Variants in SIPA1L3 observed in about 807,000 individuals in gnomAD.
The protein encoded by SIPA1L3 is signal induced proliferation associated 1 like 3.
Under a neutral mutation model 150.1 loss-of-function variants are expected in SIPA1L3, and 59 were observed. The observed-to-expected ratio is 0.39, with a 90% confidence interval of 0.32 to 0.49. SIPA1L3 has a LOEUF of 0.49. Among genes scored for constraint, SIPA1L3 ranks in the 20% least tolerant of loss-of-function variants. SIPA1L3 has a pLI of 0.86. For synonymous variants in SIPA1L3, 1,070 were observed against 1,077.6 expected (o/e 0.99, Z 0.14); for missense variants, 2,211 against 2,489.5 (o/e 0.89, Z 2.38).
chr19:38,190,643 T>C (rs886848730), intron 16 of SIPA1L3, among the ~76,000 whole-genome samples: 6 of 152,354 alleles, frequency 3.9e-5, no homozygotes, highest in African/African-American at 1.4e-4. Flanking sequence ...CTTTCTTGCA[T>C]TACAGAATGA....
intron 4 of SIPA1L3, among the ~76,000 whole-genome samples, chr19:38,097,255 C>G (rs1203633366): frequency 2.0e-5 from 3 of 152,156 alleles, no homozygotes; most frequent in Non-Finnish European, 4.4e-5. Context: ...GAGGCTGAGG[C>G]AGGGGATCTC....
chr19:37,953,037 A>G (rs1039243761), intron 1 of SIPA1L3, among the ~76,000 whole-genome samples: 4 of 152,158 alleles, frequency 2.6e-5, no homozygotes, highest in Non-Finnish European at 4.4e-5. Context: ...CCTGGCTAAC[A>G]TGGTGAAACT....
chr19:38,096,959 C>T (rs769155076), intron 4 of SIPA1L3, among the ~76,000 whole-genome samples: 1 of 152,184 alleles, frequency 6.6e-6, no homozygotes, highest in Non-Finnish European at 1.5e-5. Context: ...TGGTGCTCAT[C>T]AACAGTGAAA....
intron 2 of SIPA1L3, among the ~76,000 whole-genome samples, chr19:38,058,247 C>T (rs756305656): frequency 2.0e-5 from 3 of 152,148 alleles, no homozygotes; most frequent in Non-Finnish European, 4.4e-5. Context: ...GCTGGTCCCT[C>T]GGGCTTGAGA....
At chr19:38,148,187 C>G (rs1327078519) in intron 12 of SIPA1L3, among the ~76,000 whole-genome samples, 2 of 151,772 alleles carry the variant, frequency 1.3e-5, no homozygotes, top group Non-Finnish European at 2.9e-5. Flanking sequence ...CCCTTCTCTA[C>G]TAAAAATACA....
intron 1 of SIPA1L3, among the ~76,000 whole-genome samples, chr19:37,968,552 A>G (rs2046926185): frequency 6.6e-6 from 1 of 152,158 alleles, no homozygotes. Flanking sequence ...AGTCTCAGGT[A>G]AAAGAAAACC....
intron 2 of SIPA1L3, among the ~76,000 whole-genome samples, chr19:38,039,476 T>C (rs1968863677): frequency 6.6e-6 from 1 of 151,758 alleles, no homozygotes. Context: ...GGTGAATCAC[T>C]TGAGGCCAGA....
intron 10 of SIPA1L3, chr19:38,131,684 G>T: frequency 6.3e-6 from 1 of 157,486 alleles, no homozygotes; most frequent in Non-Finnish European, 1.4e-5. Context: ...CCAGGCTGAA[G>T]TGCAGTGGCG....
chr19:38,100,202 C>A, intron 5 of SIPA1L3, 52 bp downstream of exon 5: 2 of 1,348,232 alleles, frequency 1.5e-6, no homozygotes, highest in Non-Finnish European at 2.0e-6. Context: ...CCTTGCAACC[C>A]CACTCCTGGT....
intron 1 of SIPA1L3, among the ~76,000 whole-genome samples, chr19:37,939,561 A>G (rs1476405963): frequency 1.3e-5 from 2 of 152,124 alleles, no homozygotes; most frequent in Non-Finnish European, 2.9e-5. Flanking sequence ...GGCTGCTTCC[A>G]CCTTCTGGCT....
intron 15 of SIPA1L3, among the ~76,000 whole-genome samples, chr19:38,179,232 A>T (rs965597426): frequency 6.6e-6 from 1 of 152,234 alleles, no homozygotes; most frequent in African/African-American, 2.4e-5. Flanking sequence ...ACCTGAAGTC[A>T]GGAGTTCGAG....
intron 4 of SIPA1L3, among the ~76,000 whole-genome samples, chr19:38,097,449 A>G (rs1600064072): frequency 6.6e-6 from 1 of 152,246 alleles, no homozygotes; most frequent in East Asian, 1.9e-4. Context: ...AATTTTGAGG[A>G]AAAAGGGGTA....
chr19:37,957,597 C>G (rs2046822422), intron 1 of SIPA1L3, among the ~76,000 whole-genome samples: 1 of 151,270 alleles, frequency 6.6e-6, no homozygotes, highest in Non-Finnish European at 1.5e-5. Flanking sequence ...TCACTGTTAC[C>G]CAGTCTGGAG....
chr19:38,165,326 C>A (rs192590373), intron 15 of SIPA1L3, among the ~76,000 whole-genome samples: 7 of 152,308 alleles, frequency 4.6e-5, no homozygotes, highest in Admixed American at 4.6e-4. Flanking sequence ...AGTCCCCTAA[C>A]ATGAAGTCCA....
chr19:38,023,284 G>C (rs933458067), intron 1 of SIPA1L3, among the ~76,000 whole-genome samples: 1 of 152,188 alleles, frequency 6.6e-6, no homozygotes, highest in African/African-American at 2.4e-5. Flanking sequence ...CAGGAAATGA[G>C]AAAGAGACCC....
At position 38,090,650 on chromosome 19, in the gene SIPA1L3, G is replaced by C. The variant is rs184732103; in HGVS notation, c.1665+1799G>C. Among the ~76,000 whole-genome samples, 657 of 152,342 alleles carry C rather than the reference G, an allele frequency of 4.3e-3. 1 individual carries two copies. Among genetic ancestry groups the C allele is most frequent in the African/African-American group, 0.015 (627 of 41,586 alleles). ...CAGAAAAGTGGCATTTGCCAGCTAG[G>C]CAGGCCCTCCAAAATGGGTCTCCCT... On this transcript the variant is annotated intron_variant, in intron 4 of 21. Coordinates refer to ENST00000222345, the MANE Select transcript of SIPA1L3 (RefSeq NM_015073.3).
intron 1 of SIPA1L3, among the ~76,000 whole-genome samples, chr19:37,955,488 A>G (rs891015601): frequency 6.6e-6 from 1 of 151,850 alleles, no homozygotes; most frequent in Non-Finnish European, 1.5e-5. Context: ...TATTACCACC[A>G]CCCCAAAAGA....
chr19:38,124,277 T>G (rs1354626286), intron 9 of SIPA1L3, among the ~76,000 whole-genome samples: 1 of 136,140 alleles, frequency 7.3e-6, no homozygotes, highest in African/African-American at 2.9e-5. Context: ...GTCTCCTCAC[T>G]TCTCAGACGG....
At chr19:38,044,613 G>C (rs926456114) in intron 2 of SIPA1L3, among the ~76,000 whole-genome samples, 12 of 152,184 alleles carry the variant, frequency 7.9e-5, no homozygotes, top group African/African-American at 2.9e-4. Flanking sequence ...GACTACACGT[G>C]TTGTTTGTTG....
Sources: allele counts gnomAD v4.1 joint callset (sites outside exome capture counted in the v4.1 genomes callset), GRCh38; gene constraint gnomAD v4.1.1; transcripts MANE v1.5; gene names NCBI Gene and HGNC (gene_info 2026-07-23, HGNC 2026-07-21).